ZNF862: variants seen among roughly 807,000 people sequenced by gnomAD.
ZNF862 encodes the protein zinc finger protein 862.
A neutral mutation model predicts 91.1 loss-of-function variants in ZNF862; 64 were observed. That is an observed-to-expected ratio of 0.70 (90% confidence interval 0.57 to 0.87). The LOEUF is 0.87. Among genes scored for constraint, ZNF862 ranks in the 40% least tolerant of loss-of-function variants. ZNF862 has a pLI of 0.00. For synonymous variants in ZNF862, 631 were observed against 618.1 expected (o/e 1.02, Z -0.31); for missense variants, 1,459 against 1,528.0 (o/e 0.95, Z 0.75).
intron 3 of ZNF862, among the ~76,000 whole-genome samples, chr7:149,846,550 A>G (rs1002093524): frequency 3.3e-5 from 5 of 152,250 alleles, no homozygotes; most frequent in Non-Finnish European, 7.3e-5. Context: ...TCTAGTGCTT[A>G]GAACAATACC....
At chr7:149,841,802 A>G (rs981202182) in intron 1 of ZNF862, 46 of 972,398 alleles carry the variant, frequency 4.7e-5, no homozygotes, top group Non-Finnish European at 5.5e-5. Flanking sequence ...TTTTTTTCTG[A>G]ACATGGTTCT....
chr7:149,858,466 A>G (rs1373996213), intron 5 of ZNF862: 2 of 152,188 alleles, frequency 1.3e-5, no homozygotes, highest in Admixed American at 6.5e-5. Context: ...ATGTATCATT[A>G]TATATATAAG....
chr7:149,852,829 A>T (rs1802112270), intron 5 of ZNF862: 2 of 152,368 alleles, frequency 1.3e-5, no homozygotes, highest in African/African-American at 4.8e-5. Flanking sequence ...GTGTCATCGT[A>T]TGCTGAGTGG....
Position 149,861,289 on chromosome 7 carries a change from A to G in ZNF862, c.2129A>G (p.Glu710Gly), listed in dbSNP as rs754701832. ...TTGAGCTGCAGAGGAGGCCTTGTGGAAAAGTTCCAGGAGGTCATCCCGCAG... is the reference window on the plus strand; with the variant it reads ...TTGAGCTGCAGAGGAGGCCTTGTGGGAAAGTTCCAGGAGGTCATCCCGCAG... ...AMLSCRGGLV[E>G]KFQEVIPQLL... The change falls in exon 7 of 8, where the codon GAA becomes GGA. Residue 710 changes from glutamate (E) to glycine (G), a missense_variant. Transcript: ENST00000223210. This position sits in a 1 kb window ranked among gnomAD's most constrained non-coding sequence, Gnocchi z 6.7. The G allele has an allele frequency of 1.2e-6, 2 of 1,612,572 alleles. No individual in the cohort carries two copies. The highest frequency in any genetic ancestry group is 2.2e-5 in the South Asian group (2 of 91,034).
chr7:149,860,159 A>G (rs1802410997), intron 6 of ZNF862: 2 of 557,028 alleles, frequency 3.6e-6, no homozygotes, highest in Non-Finnish European at 6.3e-6. Flanking sequence ...CGCTGGTGAA[A>G]GAACCCACAA....
rs1239871184 is a variant in ZNF862, at chr7:149,861,549, C to G, written c.2389C>G (p.Leu797Val). 1 of 1,598,414 alleles carries G rather than the reference C, an allele frequency of 6.3e-7. No homozygotes were observed. Among genetic ancestry groups the G allele is most frequent in the South Asian group, 1.1e-5 (1 of 89,462 alleles). The change falls in exon 7 of 8, where the codon CTG becomes GTG. Residue 797 changes from leucine to valine, a missense_variant. By Grantham distance (32) the Leu-to-Val change is conservative. Coordinates refer to ENST00000223210, the MANE Select transcript of ZNF862 (RefSeq NM_001099220.3). The surrounding 1 kb of genome is among the most constrained non-coding windows in gnomAD (Gnocchi z 6.7). Reference protein sequence around the residue: ...VRWVASRRRTLHALLVSWPAL... With the variant: ...VRWVASRRRTVHALLVSWPAL... ...CTGGGTGGCCAGCAGGAGGCGCACG[C>G]TGCACGCGCTGCTCGTGAGCTGGCC...
In ZNF862 at chr7:149,861,380, C is replaced by T. The variant is rs368151338; in HGVS notation, c.2220C>T (p.Ile740=). Residue 740 remains isoleucine, a synonymous_variant, in exon 7 of 8, where the codon ATC becomes ATT. Coordinates refer to ENST00000223210, the MANE Select transcript of ZNF862 (RefSeq NM_001099220.3). This position sits in a 1 kb window ranked among gnomAD's most constrained non-coding sequence, Gnocchi z 6.7. ...HLAVVDACGS[I]DLVKKCDRHI... The stretch of plus-strand genomic sequence containing the variant: ...CTGTGGTGGACGCCTGCGGGAGCAT[C>T]GATCTGGTGAAGAAGTGTGACCGGC... 37 of 1,612,940 alleles carry T rather than the reference C, an allele frequency of 2.3e-5. No individual in the cohort carries two copies. Among genetic ancestry groups the T allele is most frequent in the East Asian group, 2.2e-5 (1 of 44,888 alleles).
At position 149,848,226 on chromosome 7, in the gene ZNF862, C is replaced by A. The variant is rs765763911; in HGVS notation, c.733C>A (p.Pro245Thr). 1.9e-6 allele frequency: 3 copies of A among 1,613,810 alleles called. No homozygotes were observed. Among genetic ancestry groups the A allele is most frequent in the Non-Finnish European group, 2.5e-6 (3 of 1,179,816 alleles). Residue 245 changes from proline (P) to threonine (T), a missense_variant, in exon 4 of 8, where the codon CCA becomes ACA. Pro to Thr is a conservative substitution (Grantham distance 38). Transcript: ENST00000223210. ...FTADCPIFYP[P>T]GPLGGFDSMA... Reference sequence around the variant, plus strand: ...TGCAGATTGCCCCATATTCTACCCCCCAGGGCCTCTGGGAGGATTTGATAG... The same window carrying A: ...TGCAGATTGCCCCATATTCTACCCCACAGGGCCTCTGGGAGGATTTGATAG...
chr7:149,858,610 C>T (rs992530803), intron 5 of ZNF862: 1 of 152,212 alleles, frequency 6.6e-6, no homozygotes, highest in African/African-American at 2.4e-5. Context: ...CACACATTCA[C>T]ATAGACACAC....
intron 1 of ZNF862, among the ~76,000 whole-genome samples, chr7:149,843,591 T>G (rs2128935935): frequency 6.6e-6 from 1 of 152,268 alleles, no homozygotes; most frequent in South Asian, 2.1e-4. Context: ...TCTATTTTGG[T>G]CTCTATAGTC....
Position 149,847,859 on chromosome 7 carries a change from C to T in ZNF862, c.366C>T (p.Ile122=), listed in dbSNP as rs191203698. Residue 122 remains isoleucine, a synonymous_variant, in exon 4 of 8, where the codon ATC becomes ATT. Transcript: ENST00000223210. Reference sequence around the variant, plus strand: ...ACCTCAGTACAGGCAGTGGACACATCGAGGGAGACTGGGCCGGAAGAAACA... The same window carrying T: ...ACCTCAGTACAGGCAGTGGACACATTGAGGGAGACTGGGCCGGAAGAAACA... ...LSHLSTGSGH[I]EGDWAGRNRK... is the part of the protein sequence containing the mutation. 3.3e-4 allele frequency: 537 copies of T among 1,612,900 alleles called. No individual in the cohort carries two copies. The highest frequency in any genetic ancestry group is 2.0e-3 in the African/African-American group (153 of 75,010).
chr7:149,862,880 G>A (rs1025034395), intron 7 of ZNF862, among the ~76,000 whole-genome samples: 1 of 152,236 alleles, frequency 6.6e-6, no homozygotes, highest in Non-Finnish European at 1.5e-5. Context: ...GGTGCAAATG[G>A]TACTAGTTAA....
Position 149,847,960 on chromosome 7 carries a change from A to G in ZNF862, c.467A>G (p.Gln156Arg). 6.2e-7 allele frequency: 1 copy of G among 1,609,932 alleles called. No individual in the cohort carries two copies. The highest frequency in any genetic ancestry group is 8.5e-7 in the Non-Finnish European group (1 of 1,177,872). The change falls in exon 4 of 8, where the codon CAG (glutamine) becomes CGG (arginine). Residue 156 changes from glutamine (Q) to arginine (R), a missense_variant. Coordinates refer to ENST00000223210, the MANE Select transcript of ZNF862 (RefSeq NM_001099220.3). The stretch of plus-strand genomic sequence containing the variant: ...CCGTGGCTGATCATGAATGAGGAGC[A>G]GACGGCTCTGTTCTGCTCTGCTTGC... ...QFPWLIMNEE[Q>R]TALFCSACRE... is the part of the protein sequence containing the mutation.
In ZNF862 at chr7:149,862,477, C is replaced by T. The variant is rs1223524839; in HGVS notation, c.3317C>T (p.Pro1106Leu). ...FSHVYTCAQV[P>L]ARSPASARLR... ...CATGTCTACACCTGTGCCCAGGTGC[C>T]AGCCCGCTCCCCTGCAAGTAAGTAC... The change falls in exon 7 of 8, where the codon CCA becomes CTA. Residue 1106 changes from proline to leucine, a missense_variant. Transcript: ENST00000223210. 1 of 1,592,482 alleles carries T rather than the reference C, an allele frequency of 6.3e-7. No individual in the cohort carries two copies. Among genetic ancestry groups the T allele is most frequent in the African/African-American group, 1.3e-5 (1 of 74,618 alleles).
At position 149,860,493 on chromosome 7, in the gene ZNF862, A is replaced by G; in HGVS notation, c.1333A>G (p.Ser445Gly). The G allele has an allele frequency of 1.2e-6, 2 of 1,613,916 alleles. No individual in the cohort carries two copies. The highest frequency in any genetic ancestry group is 1.7e-6 in the Non-Finnish European group (2 of 1,179,874). ...VEARASCCSS[S>G]ICEEGDGPRR... ...GGCCCGTGCCTCCTGCTGCAGTTCCAGCATTTGTGAGGAAGGAGATGGACC... is the reference window on the plus strand; with the variant it reads ...GGCCCGTGCCTCCTGCTGCAGTTCCGGCATTTGTGAGGAAGGAGATGGACC... The change falls in exon 7 of 8, where the codon AGC becomes GGC. Residue 445 changes from serine (S) to glycine (G), a missense_variant. Transcript: ENST00000223210.
Position 149,862,461 on chromosome 7 carries a change from A to G in ZNF862, c.3301A>G (p.Thr1101Ala), listed in dbSNP as rs113163540. The G allele has an allele frequency of 3.0e-3, 4,733 of 1,603,820 alleles. 117 individuals are homozygous for G. The African/African-American group carries it at 0.056, about 19-fold the overall frequency. The change falls in exon 7 of 8, where the codon ACC becomes GCC. Residue 1101 changes from threonine to alanine, a missense_variant. Transcript: ENST00000223210. Reference protein sequence around the residue: ...SSGRRFSHVYTCAQVPARSPA... With the variant: ...SSGRRFSHVYACAQVPARSPA... ...AGGCCGGCGTTTCAGCCATGTCTACACCTGTGCCCAGGTGCCAGCCCGCTC... is the reference window on the plus strand; with the variant it reads ...AGGCCGGCGTTTCAGCCATGTCTACGCCTGTGCCCAGGTGCCAGCCCGCTC...
At chr7:149,840,576 A>G (rs1233178365) in intron 1 of ZNF862, among the ~76,000 whole-genome samples, 1 of 151,476 alleles carries the variant, frequency 6.6e-6, no homozygotes, top group Non-Finnish European at 1.5e-5. Flanking sequence ...ACTCACCCAG[A>G]GCAACTTCCA....
chr7:149,852,366 TGTGTGTGA>T (rs1436268359), intron 5 of ZNF862, among the ~76,000 whole-genome samples: 74 of 138,450 alleles, frequency 5.3e-4, no homozygotes, highest in African/African-American at 1.6e-3. Context: ...TGTGTGTGTG[TGTGTGTGA>T]GAGAGAGAGA....
intron 5 of ZNF862, among the ~76,000 whole-genome samples, chr7:149,853,666 G>A (rs1490865097): frequency 1.3e-5 from 2 of 152,086 alleles, no homozygotes; most frequent in Non-Finnish European, 1.5e-5. Flanking sequence ...TGCCGGGTGC[G>A]GTGGCTCACG....
Sources: gnomAD v4.1 joint callset for allele counts (sites outside exome capture counted in the v4.1 genomes callset) on GRCh38, gnomAD v4.1.1 for gene constraint, Gnocchi (gnomAD v3.1) non-coding constraint, MANE v1.5 for transcripts, NCBI Gene and HGNC (gene_info 2026-07-23, HGNC 2026-07-21) for gene names.